The following LARP4B variants were observed in gnomAD, a reference collection of about 807,000 sequenced individuals.
LARP4B encodes the protein la-related protein 4B.
A neutral mutation model predicts 89.8 loss-of-function variants in LARP4B; 12 were observed. The ratio of observed to expected loss-of-function variants is 0.13; its 90% CI spans 0.09 to 0.22. The LOEUF (loss-of-function observed/expected upper bound fraction) is 0.22. LARP4B is among the 10% of genes least tolerant of loss of function. LARP4B has a pLI of 1.00. For missense variants in LARP4B, 757 were observed against 947.7 expected (o/e 0.80, Z 2.64); for synonymous variants, 367 against 363.3 (o/e 1.01, Z -0.12).
At chr10:831,381 T>A (rs562765326) in intron 8 of LARP4B, among the ~76,000 whole-genome samples, 1 of 151,832 alleles carries the variant, frequency 6.6e-6, no homozygotes, top group East Asian at 1.9e-4. Flanking sequence ...ATGACTCAAT[T>A]AAAAAACCAA....
chr10:965,524 C>T, the LARP4B span, among the ~76,000 whole-genome samples: 7 of 152,146 alleles, frequency 4.6e-5, no homozygotes, highest in African/African-American at 1.4e-4. Flanking sequence ...ACGCAGCAGA[C>T]GCGATGGAAG....
At chr10:846,099 A>C (rs1833765150) in intron 5 of LARP4B, among the ~76,000 whole-genome samples, 1 of 152,218 alleles carries the variant, frequency 6.6e-6, no homozygotes, top group African/African-American at 2.4e-5. Context: ...TGGAAAATTG[A>C]AAACACAACC....
At chr10:833,029 A>C (rs1832989500) in intron 8 of LARP4B, among the ~76,000 whole-genome samples, 1 of 152,156 alleles carries the variant, frequency 6.6e-6, no homozygotes, top group Non-Finnish European at 1.5e-5. Flanking sequence ...CTAGAAGTGG[A>C]GAATGGGAGA....
chr10:909,293 CAAAAAA>C (rs56787174), intron 1 of LARP4B, among the ~76,000 whole-genome samples: 1 of 80,866 alleles, frequency 1.2e-5, no homozygotes. Context: ...GACTCCGTCT[CAAAAAA>C]AAAAAAAAAA....
chr10:842,009 A>C (rs991109121), intron 7 of LARP4B, among the ~76,000 whole-genome samples: 3 of 152,006 alleles, frequency 2.0e-5, no homozygotes, highest in African/African-American at 7.2e-5. Context: ...GACTGTCGTC[A>C]GTACAGATAA....
At chr10:962,729 T>G in the LARP4B span, among the ~76,000 whole-genome samples, 1 of 151,952 alleles carries the variant, frequency 6.6e-6, no homozygotes. Flanking sequence ...AAAAGCAAAA[T>G]TTTCCTCTGG....
At position 817,830 on chromosome 10, in the gene LARP4B, C is replaced by A; in HGVS notation, c.1590G>T (p.Gly530=). 6.2e-7 allele frequency: 1 copy of A among 1,614,184 alleles called. No individual in the cohort carries two copies. Among genetic ancestry groups the A allele is most frequent in the Non-Finnish European group, 8.5e-7 (1 of 1,180,032 alleles). ...PKPPSPSFEL[G]LSSFPPLPGA... The stretch of plus-strand genomic sequence containing the variant: ...CAGGTAATGGAGGGAAGCTGGACAG[C>A]CCCAGCTCGAAGCTTGGCGACGGAG... The change falls in exon 15 of 18, where the codon GGG becomes GGT. Residue 530 remains glycine (G), a synonymous_variant. Coordinates refer to ENST00000316157, the MANE Select transcript of LARP4B (RefSeq NM_015155.3).
At chr10:842,881 G>A (rs753693261) in intron 7 of LARP4B, 51 bp downstream of exon 7, 3 of 1,545,588 alleles carry the variant, frequency 1.9e-6, no homozygotes, top group Non-Finnish European at 2.7e-6. Flanking sequence ...ATGCTGATAA[G>A]ACAAATACTC....
intron 3 of LARP4B, among the ~76,000 whole-genome samples, chr10:864,681 C>T (rs1300417786): frequency 2.0e-5 from 3 of 152,224 alleles, no homozygotes; most frequent in East Asian, 1.9e-4. Flanking sequence ...CAGCAGGGCG[C>T]GGCGGCTCAC....
chr10:869,727 T>C (rs1835097751), intron 3 of LARP4B, among the ~76,000 whole-genome samples: 1 of 151,634 alleles, frequency 6.6e-6, no homozygotes, highest in Admixed American at 6.6e-5. Context: ...TCTCTAAAAA[T>C]ACAAAAATTA....
chr10:864,009 C>A (rs1834762490), intron 4 of LARP4B, 114 bp downstream of exon 4: 5 of 1,553,442 alleles, frequency 3.2e-6, no homozygotes, highest in Non-Finnish European at 4.4e-6. Context: ...TCAAGCACTG[C>A]CACATACCAT....
chr10:909,093 GAT>G lies in LARP4B; in HGVS notation c.-40+22333_-40+22334del, dbSNP rs1836586288. On this transcript the variant is annotated intron_variant, in intron 1 of 17. Transcript: ENST00000316157. ...GCAGATCACAAGGTCAGGAGATCAA[GAT>G]CATCCTGGCTAACACGGTGAAACCC... Among the ~76,000 whole-genome samples the G allele has an allele frequency of 2.0e-5, 3 of 152,082 alleles. No homozygotes were observed. The South Asian group carries it at 6.2e-4, about 31-fold the overall frequency.
intron 1 of LARP4B, among the ~76,000 whole-genome samples, chr10:928,229 G>GAAA (rs59234664): frequency 1.0e-5 from 1 of 100,136 alleles, no homozygotes. Context: ...CCTCAGGAAA[G>GAAA]AAAAAAAAAA....
At chr10:910,006 G>C (rs1836623436) in intron 1 of LARP4B, among the ~76,000 whole-genome samples, 1 of 152,130 alleles carries the variant, frequency 6.6e-6, no homozygotes. Context: ...GAGGTATGCA[G>C]GCCCAGAGAG....
chr10:870,043 A>G, intron 3 of LARP4B: 8 of 985,716 alleles, frequency 8.1e-6, no homozygotes, highest in Non-Finnish European at 9.6e-6. Context: ...GCCATCCCCA[A>G]ACAACACCGT....
chr10:927,870 G>C (rs895792478), intron 1 of LARP4B, among the ~76,000 whole-genome samples: 2 of 152,268 alleles, frequency 1.3e-5, no homozygotes, highest in South Asian at 2.1e-4. Context: ...CCCTAAATCT[G>C]ACAGAATCTA....
chr10:932,349 C>T (rs1263952549), upstream of LARP4B, among the ~76,000 whole-genome samples: 284 of 125,742 alleles, frequency 2.3e-3, no homozygotes, highest in African/African-American at 9.2e-3. Context: ...CTGCCCCGAA[C>T]TCCCACCCCA....
the LARP4B span, among the ~76,000 whole-genome samples, chr10:976,231 A>G: frequency 7.6e-6 from 1 of 131,392 alleles, no homozygotes; most frequent in Non-Finnish European, 1.6e-5. Flanking sequence ...TAGGCCTATC[A>G]TGCAACGTGT....
chr10:815,157 G>C (rs1291339324), intron 15 of LARP4B, 87 bp from the exon 16 acceptor site: 1 of 1,471,042 alleles, frequency 6.8e-7, no homozygotes, highest in African/African-American at 1.4e-5. Flanking sequence ...CCCGTGAACA[G>C]CCTTGGGAGA....
Sources: allele counts gnomAD v4.1 joint callset (sites outside exome capture counted in the v4.1 genomes callset), GRCh38; gene constraint gnomAD v4.1.1; transcripts MANE v1.5; gene names NCBI Gene and HGNC (gene_info 2026-07-23, HGNC 2026-07-21).